Variants in PPP2R1A observed in about 807,000 individuals in gnomAD.
PPP2R1A encodes the protein serine/threonine-protein phosphatase 2A 65 kDa regulatory subunit A alpha isoform.
Under a neutral mutation model 67.1 loss-of-function variants are expected in PPP2R1A, and 15 were observed. The observed-to-expected ratio is 0.22, with a 90% CI of 0.15 to 0.34. PPP2R1A has a LOEUF of 0.34. PPP2R1A is among the 10% of genes least tolerant of loss of function. The pLI is 1.00. For synonymous variants in PPP2R1A, 337 were observed against 325.0 expected (o/e 1.04, Z -0.40); for missense variants, 369 against 775.0 (o/e 0.48, Z 6.22).
At chr19:52,217,110 A>G (rs1424820720) in intron 9 of PPP2R1A, among the ~76,000 whole-genome samples, 1 of 152,184 alleles carries the variant, frequency 6.6e-6, no homozygotes, top group African/African-American at 2.4e-5. Context: ...GTATCACTTG[A>G]ACTCAGGAGG....
Position 52,212,401 on chromosome 19 carries a change from T to G in PPP2R1A, c.504-285T>G. 1 of 417,748 alleles carries G rather than the reference T, an allele frequency of 2.4e-6. No individual in the cohort carries two copies. The allele number at this position is 417,748 out of a possible 1,614,324, so 25.9% of individuals were successfully genotyped here. On this transcript the variant is annotated intron_variant, in intron 4 of 14. Transcript: ENST00000322088. This position sits in a 1 kb window ranked among gnomAD's most constrained non-coding sequence, Gnocchi z 4.1. ...TGCCTGGCTCGTTGGTTAAGCAATTTTTATGGGAATGATGTAATCGTCAGC... is the reference window on the plus strand; with the variant it reads ...TGCCTGGCTCGTTGGTTAAGCAATTGTTATGGGAATGATGTAATCGTCAGC...
At chr19:52,196,912 C>G (rs1016432525) in intron 1 of PPP2R1A, among the ~76,000 whole-genome samples, 1 of 152,200 alleles carries the variant, frequency 6.6e-6, no homozygotes, top group African/African-American at 2.4e-5. Flanking sequence ...CTATAAGTTG[C>G]ACAAAACATT....
intron 2 of PPP2R1A, among the ~76,000 whole-genome samples, chr19:52,204,904 A>G (rs955809995): frequency 1.3e-5 from 2 of 152,232 alleles, no homozygotes; most frequent in Non-Finnish European, 2.9e-5. Context: ...AGGGGATGAC[A>G]AAGGCTCAGA....
intron 3 of PPP2R1A, among the ~76,000 whole-genome samples, chr19:52,209,760 T>G (rs2089646489): frequency 6.6e-6 from 1 of 152,222 alleles, no homozygotes; most frequent in Non-Finnish European, 1.5e-5. Flanking sequence ...AAAATATTTG[T>G]CTTTATGACT....
intron 1 of PPP2R1A, among the ~76,000 whole-genome samples, chr19:52,198,410 G>A (rs1049387149): frequency 6.6e-6 from 1 of 152,082 alleles, no homozygotes; most frequent in Admixed American, 6.6e-5. Flanking sequence ...CCACCTCTTG[G>A]GCATCCCCAG....
chr19:52,201,852 C>T (rs1239482184), intron 1 of PPP2R1A, 92 bp from the exon 2 acceptor site: 11 of 1,196,486 alleles, frequency 9.2e-6, no homozygotes, highest in East Asian at 2.4e-5. Context: ...CCAAGCAAGG[C>T]TTCCAGGGGC....
At chr19:52,196,655 CAG>C (rs1298078221) in intron 1 of PPP2R1A, among the ~76,000 whole-genome samples, 12 of 152,184 alleles carry the variant, frequency 7.9e-5, no homozygotes, top group Admixed American at 2.0e-4. Context: ...CTCTAAATAA[CAG>C]GGGCTTAAAT....
At chr19:52,220,878 T>C in intron 11 of PPP2R1A, 101 bp from the exon 12 acceptor site, 1 of 1,405,120 alleles carries the variant, frequency 7.1e-7, no homozygotes, top group Non-Finnish European at 9.9e-7. Context: ...GCCTGGCACC[T>C]AGGGGCTGCT....
chr19:52,190,314 G>T (rs1053111686), intron 1 of PPP2R1A, 140 bp downstream of exon 1: 1 of 1,032,820 alleles, frequency 9.7e-7, no homozygotes, highest in South Asian at 1.6e-5. Flanking sequence ...TTATCTCCCC[G>T]GTTGCCCGGA....
Position 52,220,987 on chromosome 19 carries a change from A to G in PPP2R1A, c.1372A>G (p.Ile458Val), listed in dbSNP as rs1461958293. ...MAWLVDHVYA[I>V]REAATSNLKK... ...CCCTCACCCTTCTGCAGTATATGCC[A>G]TCCGCGAGGCAGCCACCAGCAACCT... The change falls in exon 12 of 15, where the codon ATC (isoleucine) becomes GTC (valine). Residue 458 changes from isoleucine (I) to valine (V), a missense_variant. Physicochemically the swap from Ile to Val is conservative, Grantham distance 29 (BLOSUM62 3). Transcript: ENST00000322088. 5 of 1,614,222 alleles carry G rather than the reference A, an allele frequency of 3.1e-6. No individual in the cohort carries two copies. Among genetic ancestry groups the G allele is most frequent in the Non-Finnish European group, 4.2e-6 (5 of 1,180,028 alleles).
In PPP2R1A at chr19:52,216,543, T is replaced by C. The variant is rs1424511855; in HGVS notation, c.1008T>C (p.Asp336=). The change falls in exon 9 of 15, where the codon GAT becomes GAC. Residue 336 remains aspartate (D), a synonymous_variant. Transcript: ENST00000322088. This position sits in a 1 kb window ranked among gnomAD's most constrained non-coding sequence, Gnocchi z 4.3. ...CTCTCTCCCAGGAGCTGGTGTCCGA[T>C]GCCAACCAACATGTCAAGTCTGCCC... ...ILPCIKELVS[D]ANQHVKSALA... 1.9e-6 allele frequency: 3 copies of C among 1,614,192 alleles called. No homozygotes were observed. Among genetic ancestry groups the C allele is most frequent in the South Asian group, 2.2e-5 (2 of 91,086 alleles).
rs1252101061 is a variant in PPP2R1A at position 52,229,444 on chromosome 19, G to A, written c.*3463G>A. 6.6e-6 allele frequency: 1 copy of A among 151,880 alleles called. No homozygotes were observed. Among genetic ancestry groups the A allele is most frequent in the Non-Finnish European group, 1.5e-5 (1 of 67,920 alleles). The allele number at this position is 151,880 out of a possible 1,614,324, so 9.4% of individuals were successfully genotyped here. A position where few individuals can be genotyped will look rare whatever the true frequency, so the allele number is the denominator to read the frequency against. On this transcript the variant is annotated 3_prime_UTR_variant, in exon 15 of 15. Transcript: ENST00000322088. ...AGGGTGACAGAGCAAGACCCCATAT[G>A]AAAAAAAATAATAATTCAGGAACTT...
At chr19:52,196,194 G>A (rs2089495057) in intron 1 of PPP2R1A, among the ~76,000 whole-genome samples, 1 of 152,108 alleles carries the variant, frequency 6.6e-6, no homozygotes, top group Non-Finnish European at 1.5e-5. Context: ...CAGTGCACAG[G>A]GAATTCTCAG....
chr19:52,215,776 C>T lies in PPP2R1A; in HGVS notation c.808-3C>T. On this transcript the variant is annotated splice_polypyrimidine_tract_variant and splice_region_variant and intron_variant, in intron 6 of 14. Transcript: ENST00000322088. ...CTCTCCCCCTCCTCCTTCCTGTCTG[C>T]AGCTCCAGAAAGCAGTGGGGCCTGA... 1 of 1,612,736 alleles carries T rather than the reference C, an allele frequency of 6.2e-7. No homozygotes were observed.
chr19:52,209,325 A>G (rs116133881), intron 3 of PPP2R1A, among the ~76,000 whole-genome samples: 2,948 of 152,206 alleles, frequency 0.019, 91 homozygotes, highest in African/African-American at 0.067. Flanking sequence ...TCCCTGCAGT[A>G]TCCCAGTCAC....
In PPP2R1A at chr19:52,212,047, T is replaced by A. The variant is rs1462378679; in HGVS notation, c.503+555T>A. ...GCAATTGCTGCTGAAAAATAAAGCC[T>A]TTCTGTGGCTCTAGACCTGCCTCTT... On this transcript the variant is annotated intron_variant, in intron 4 of 14. Coordinates refer to ENST00000322088, the MANE Select transcript of PPP2R1A (RefSeq NM_014225.6). The surrounding 1 kb of genome is among the most constrained non-coding windows in gnomAD (Gnocchi z 4.1). 1.3e-5 allele frequency among the ~76,000 whole-genome samples: 2 copies of A among 152,216 alleles called. No individual in the cohort carries two copies. The highest frequency in any genetic ancestry group is 6.5e-5 in the Admixed American group (1 of 15,286).
At chr19:52,198,440 C>T (rs188078152) in intron 1 of PPP2R1A, among the ~76,000 whole-genome samples, 253 of 152,254 alleles carry the variant, frequency 1.7e-3, no homozygotes, top group African/African-American at 5.4e-3. Context: ...GGGGTTCCCA[C>T]GACCCCCTCT....
intron 7 of PPP2R1A, 53 bp from the exon 8 acceptor site, chr19:52,215,951 G>A: frequency 6.2e-7 from 1 of 1,610,008 alleles, no homozygotes; most frequent in Non-Finnish European, 8.5e-7. Flanking sequence ...GGCTGGAGGT[G>A]GAACTAGCAC....
chr19:52,207,264 G>A (rs975830974), intron 3 of PPP2R1A, among the ~76,000 whole-genome samples: 2 of 152,154 alleles, frequency 1.3e-5, no homozygotes, highest in Non-Finnish European at 2.9e-5. Flanking sequence ...ATTATCTGTA[G>A]CCCCTGCCTG....
Sources: gnomAD v4.1 joint callset for allele counts (sites outside exome capture counted in the v4.1 genomes callset) on GRCh38, gnomAD v4.1.1 for gene constraint, Gnocchi (gnomAD v3.1) non-coding constraint, MANE v1.5 for transcripts, NCBI Gene and HGNC (gene_info 2026-07-23, HGNC 2026-07-21) for gene names.